The following LIMS2 variants were observed in gnomAD, a reference collection of about 807,000 sequenced individuals.
The protein encoded by LIMS2 is LIM zinc finger domain containing 2.
In LIMS2, 30 loss-of-function variants were observed where a neutral mutation model predicts 45.3. The observed-to-expected ratio is 0.66, with a 90% CI of 0.50 to 0.90. The LOEUF is 0.90. LIMS2 is among the 40% of genes least tolerant of loss of function. The probability of loss-of-function intolerance (pLI) is 0.00; values close to 1 mark genes in which losing one functional copy is unlikely to be tolerated. For missense variants in LIMS2, 485 were observed against 468.7 expected (o/e 1.03, Z -0.32); for synonymous variants, 173 against 188.0 (o/e 0.92, Z 0.65).
intron 1 of LIMS2, chr2:127,673,818 A>G: frequency 7.3e-7 from 1 of 1,377,076 alleles, no homozygotes; most frequent in Non-Finnish European, 1.0e-6. Context: ...CCCCGCTAGA[A>G]CCCTAGGGGG....
upstream of LIMS2, among the ~76,000 whole-genome samples, chr2:127,679,052 G>A (rs1450223282): frequency 2.0e-5 from 3 of 152,156 alleles, no homozygotes; most frequent in African/African-American, 7.2e-5. This position sits in a 1 kb window ranked among gnomAD's most constrained non-coding sequence, Gnocchi z 5.3. Flanking sequence ...AGCCCGGAGG[G>A]AAAGAGCTCC....
At chr2:127,659,202 G>A (rs1684458571) in intron 1 of LIMS2, among the ~76,000 whole-genome samples, 1 of 152,214 alleles carries the variant, frequency 6.6e-6, no homozygotes, top group Admixed American at 6.5e-5. Flanking sequence ...TGTGGCAGAG[G>A]CTGTCTGGAA....
At chr2:127,640,470 C>T in intron 7 of LIMS2, 152 bp from the exon 8 acceptor site, 1 of 778,296 alleles carries the variant, frequency 1.3e-6, no homozygotes, top group South Asian at 1.7e-5. Flanking sequence ...GGGTTGAGGG[C>T]ACGGCAACCC....
At chr2:127,651,285 C>T (rs1317461721) in intron 4 of LIMS2, 1 of 1,607,472 alleles carries the variant, frequency 6.2e-7, no homozygotes, top group Non-Finnish European at 8.5e-7. Context: ...CTGCCTGCAG[C>T]TGTACCGGGA....
chr2:127,678,147 T>C (rs1685541503), upstream of LIMS2, among the ~76,000 whole-genome samples: 1 of 152,204 alleles, frequency 6.6e-6, no homozygotes, highest in Non-Finnish European at 1.5e-5. The surrounding 1 kb of genome is among the most constrained non-coding windows in gnomAD (Gnocchi z 5.3). Flanking sequence ...TTGAAATACA[T>C]TGTTTAAATC....
rs764151811 is a variant in LIMS2 at position 127,651,025 on chromosome 2, G to A, written c.359+3399C>T. ...GTCTACCACTTCTCTGGGAACCACT[G>A]GCCATTTGGGGAAATCGCATGCCGT... On this transcript the variant is annotated intron_variant, in intron 4 of 9. Transcript: ENST00000355119. 8 of 1,613,800 alleles carry A rather than the reference G, an allele frequency of 5.0e-6. No homozygotes were observed. In the South Asian group the frequency reaches 6.6e-5, roughly 13 times the overall value.
chr2:127,651,943 C>A, intron 4 of LIMS2: 1 of 631,364 alleles, frequency 1.6e-6, no homozygotes, highest in Non-Finnish European at 2.8e-6. Flanking sequence ...ATCCATCGGC[C>A]ACCCCTCTGC....
intron 4 of LIMS2, chr2:127,652,178 G>A: frequency 4.4e-6 from 1 of 227,790 alleles, no homozygotes. Context: ...GTCCTGGTGG[G>A]GACGGGGAGG....
rs2105279226 is a variant in LIMS2, at chr2:127,651,878, C to G, written c.359+2546G>C. 4.6e-6 allele frequency: 4 copies of G among 878,322 alleles called. No individual in the cohort carries two copies. In the Admixed American group the frequency reaches 1.0e-4, roughly 23 times the overall value. The allele number at this position is 878,322 out of a possible 1,614,324, so 54.4% of individuals were successfully genotyped here. A position where few individuals can be genotyped will look rare whatever the true frequency, so the allele number is the denominator to read the frequency against. On this transcript the variant is annotated intron_variant, in intron 4 of 9. Coordinates refer to ENST00000355119, the MANE Select transcript of LIMS2 (RefSeq NM_001161403.3). The stretch of plus-strand genomic sequence containing the variant: ...ACCTGAAATCTCAGCAGATGCCCAC[C>G]ATTTCTCTAGATCGCCTAGTCTCAA...
At chr2:127,668,662 C>A (rs1685126787) in intron 1 of LIMS2, among the ~76,000 whole-genome samples, 1 of 53,898 alleles carries the variant, frequency 1.9e-5, no homozygotes, top group Non-Finnish European at 3.4e-5. Context: ...GAGTGAGACT[C>A]CGTCTCAAAA....
intron 4 of LIMS2, among the ~76,000 whole-genome samples, chr2:127,654,221 G>A (rs941850970): frequency 1.1e-4 from 17 of 152,114 alleles, no homozygotes; most frequent in African/African-American, 4.1e-4. Context: ...GCTGCCAGGA[G>A]CTCGCTGAGC....
At chr2:127,657,681 A>G (rs1684356838) in intron 1 of LIMS2, 119 bp from the exon 2 acceptor site, 1 of 1,118,002 alleles carries the variant, frequency 8.9e-7, no homozygotes, top group South Asian at 1.6e-5. Flanking sequence ...GCTCTGCAGG[A>G]TCAGGAAAAT....
intron 4 of LIMS2, among the ~76,000 whole-genome samples, chr2:127,652,890 TTTGAC>T (rs1683949321): frequency 6.6e-6 from 1 of 152,218 alleles, no homozygotes; most frequent in African/African-American, 2.4e-5. Context: ...TTGTAGCATG[TTTGAC>T]TTTCCAAAAC....
intron 4 of LIMS2, chr2:127,648,049 G>A (rs1002426061): frequency 4.8e-5 from 47 of 985,692 alleles, no homozygotes; most frequent in Middle Eastern, 5.2e-4. Context: ...CGCCTTCTTC[G>A]GCCCTCAGCT....
chr2:127,655,584 C>A (rs1684201176), intron 2 of LIMS2: 1 of 153,598 alleles, frequency 6.5e-6, no homozygotes, highest in South Asian at 2.0e-4. Context: ...ACCCAGTGAC[C>A]TGTAGAGTCA....
In LIMS2 at chr2:127,671,341, G is replaced by A. The variant is rs1185608267; in HGVS notation, c.11+3673C>T. Among the ~76,000 whole-genome samples, 1 of 151,918 alleles carries A rather than the reference G, an allele frequency of 6.6e-6. No individual in the cohort carries two copies. Among genetic ancestry groups the A allele is most frequent in the Non-Finnish European group, 1.5e-5 (1 of 68,014 alleles). On this transcript the variant is annotated intron_variant, in intron 1 of 9. Coordinates refer to ENST00000355119, the MANE Select transcript of LIMS2 (RefSeq NM_001161403.3). This position sits in a 1 kb window ranked among gnomAD's most constrained non-coding sequence, Gnocchi z 4.1. Reference sequence around the variant, plus strand: ...CCAGCTACTTGGGAGGCTGAGGCAAGAGAATTGCTTGAACCTGGGAGGCAG... The same window carrying A: ...CCAGCTACTTGGGAGGCTGAGGCAAAAGAATTGCTTGAACCTGGGAGGCAG...
At chr2:127,652,065 C>G (rs1683863321) in intron 4 of LIMS2, 1 of 375,468 alleles carries the variant, frequency 2.7e-6, no homozygotes, top group East Asian at 4.6e-5. Context: ...TTCTTTCCCG[C>G]TAGGCTCCCA....
intron 1 of LIMS2, among the ~76,000 whole-genome samples, chr2:127,670,718 T>C (rs1685233600): frequency 6.6e-6 from 1 of 152,056 alleles, no homozygotes; most frequent in South Asian, 2.1e-4. Flanking sequence ...CCCCAAGCTA[T>C]GAGGCAGGGC....
chr2:127,664,263 C>A lies in LIMS2; in HGVS notation c.12-6701G>T. ...AGGCCTGCCCTGCCGCCGCAGCTTT[C>A]CGGCCATTGTCCCCGCCACCCGCCC... On this transcript the variant is annotated intron_variant, in intron 1 of 9. Coordinates refer to ENST00000355119, the MANE Select transcript of LIMS2 (RefSeq NM_001161403.3). This position sits in a 1 kb window ranked among gnomAD's most constrained non-coding sequence, Gnocchi z 5.5. The A allele has an allele frequency of 8.1e-7, 1 of 1,228,814 alleles. No homozygotes were observed. The allele number at this position is 1,228,814 out of a possible 1,614,324, so 76.1% of individuals were successfully genotyped here.
Sources: allele counts gnomAD v4.1 joint callset (sites outside exome capture counted in the v4.1 genomes callset), GRCh38; gene constraint gnomAD v4.1.1; non-coding constraint Gnocchi (gnomAD v3.1); transcripts MANE v1.5; gene names NCBI Gene and HGNC (gene_info 2026-07-23, HGNC 2026-07-21).